Variants in RORA observed in about 807,000 individuals in gnomAD.
RORA encodes the protein nuclear receptor ROR-alpha.
Under a neutral mutation model 69.5 loss-of-function variants are expected in RORA, and 7 were observed. The ratio of observed to expected loss-of-function variants is 0.10; its 90% CI spans 0.06 to 0.19. The LOEUF is 0.19. Ranked by LOEUF, RORA falls within the 10% of genes least tolerant of loss-of-function variation. RORA has a pLI of 1.00. For missense variants in RORA, 457 were observed against 663.0 expected, an observed-to-expected ratio of 0.69 and a Z score of 3.41; for synonymous variants, 261 against 240.8, an observed-to-expected ratio of 1.08 and a Z score of -0.78.
intron 1 of RORA, among the ~76,000 whole-genome samples, chr15:60,919,400 G>A (rs1409394975): frequency 3.9e-5 from 6 of 152,214 alleles, no homozygotes; most frequent in Admixed American, 3.3e-4. Flanking sequence ...AGCCAGGCCT[G>A]GAGCCCACAC....
At chr15:60,894,602 C>T (rs1442403673) in intron 1 of RORA, among the ~76,000 whole-genome samples, 1 of 152,182 alleles carries the variant, frequency 6.6e-6, no homozygotes, top group Non-Finnish European at 1.5e-5. Context: ...AACTGCCGCT[C>T]AAACGCTAGT....
rs1234750083 is a variant in RORA, at chr15:60,714,992, C to T, written c.167-36306G>A. On this transcript the variant is annotated intron_variant, in intron 1 of 10. Transcript: ENST00000335670. ...TGGGGCTGGAATTCAAGTCTTTTGG[C>T]TTCCCATCAAATGAATTTTTCATCT... is the stretch of plus-strand genomic sequence containing the variant. Among the ~76,000 whole-genome samples, 3 of 152,170 alleles carry T rather than the reference C, an allele frequency of 2.0e-5. No homozygotes were observed. In the South Asian group the frequency reaches 6.2e-4, roughly 32 times the overall value.
chr15:61,101,246 G>T (rs929577590), intron 1 of RORA, among the ~76,000 whole-genome samples: 1 of 152,144 alleles, frequency 6.6e-6, no homozygotes, highest in Non-Finnish European at 1.5e-5. Flanking sequence ...GGTAGGGACG[G>T]TTAATAGAGA....
At chr15:60,558,062 C>T (rs980215445) in intron 2 of RORA, 14 of 435,476 alleles carry the variant, frequency 3.2e-5, no homozygotes, top group East Asian at 6.9e-5. Flanking sequence ...GTGCCAATGA[C>T]GAAAGAGAGA....
chr15:60,795,034 C>A (rs545307752), intron 1 of RORA, among the ~76,000 whole-genome samples: 2 of 152,256 alleles, frequency 1.3e-5, no homozygotes, highest in East Asian at 3.9e-4. Context: ...ACATAAAAAC[C>A]TCAAGAAACC....
chr15:60,540,220 C>T (rs551399893), intron 2 of RORA, among the ~76,000 whole-genome samples: 8 of 152,190 alleles, frequency 5.3e-5, no homozygotes, highest in Non-Finnish European at 1.2e-4. Flanking sequence ...TTAACAGGAA[C>T]AATTACGCTA....
intron 1 of RORA, among the ~76,000 whole-genome samples, chr15:61,076,878 GA>G (rs1270752296): frequency 6.6e-6 from 1 of 151,410 alleles, no homozygotes; most frequent in Non-Finnish European, 1.5e-5. Context: ...CTAAGCAGAG[GA>G]ATCATCAGAA....
rs867005399 is a variant in RORA, at chr15:60,570,694, A to G, written c.197-38843T>C. 2.0e-5 allele frequency among the ~76,000 whole-genome samples: 3 copies of G among 152,106 alleles called. No individual in the cohort carries two copies. In the South Asian group the frequency reaches 6.2e-4, roughly 32 times the overall value. On this transcript the variant is annotated intron_variant, in intron 2 of 10. Transcript: ENST00000335670. ...GATTTTAAAACAGCTATTCATTTGGATAAATTTCCATGAGCCTCATCTTGT... is the reference window on the plus strand; with the variant it reads ...GATTTTAAAACAGCTATTCATTTGGGTAAATTTCCATGAGCCTCATCTTGT...
In RORA at chr15:60,800,465, A is replaced by G. The variant is rs2072563766; in HGVS notation, c.167-121779T>C. 2.0e-5 allele frequency among the ~76,000 whole-genome samples: 3 copies of G among 152,226 alleles called. No homozygotes were observed. The South Asian group carries it at 6.2e-4, about 31-fold the overall frequency. On this transcript the variant is annotated intron_variant, in intron 1 of 10. Coordinates refer to ENST00000335670, the MANE Select transcript of RORA (RefSeq NM_134261.3). The stretch of plus-strand genomic sequence containing the variant: ...CTCTGACTCAGCTCTGGTGGAAAGT[A>G]TCAACCTTATAAACCCACAAGGAAG...
chr15:60,556,942 C>T, intron 2 of RORA: 1 of 1,602,420 alleles, frequency 6.2e-7, no homozygotes, highest in South Asian at 1.1e-5. Context: ...GTTTGTCCAC[C>T]CCAATCCAAT....
At chr15:60,740,094 A>C (rs974007176) in intron 1 of RORA, among the ~76,000 whole-genome samples, 6 of 152,118 alleles carry the variant, frequency 3.9e-5, no homozygotes, top group African/African-American at 1.4e-4. Flanking sequence ...TGGAAAGGGG[A>C]CTTGAGATTA....
At chr15:60,759,427 G>T (rs934889929) in intron 1 of RORA, among the ~76,000 whole-genome samples, 1 of 152,114 alleles carries the variant, frequency 6.6e-6, no homozygotes, top group Non-Finnish European at 1.5e-5. Flanking sequence ...GGGACATGGG[G>T]GCCAACTCTA....
intron 1 of RORA, among the ~76,000 whole-genome samples, chr15:60,925,674 A>G (rs945757237): frequency 6.6e-6 from 1 of 152,192 alleles, no homozygotes; most frequent in African/African-American, 2.4e-5. Flanking sequence ...TTGGCGGCTG[A>G]GCACTTTGCC....
intron 1 of RORA, among the ~76,000 whole-genome samples, chr15:61,167,655 C>T (rs534772753): frequency 1.3e-5 from 2 of 152,168 alleles, no homozygotes; most frequent in Non-Finnish European, 1.5e-5. Context: ...GCTTTCCCCA[C>T]ACTTATGTTG....
intron 1 of RORA, among the ~76,000 whole-genome samples, chr15:60,898,418 T>G (rs1434060357): frequency 2.0e-5 from 3 of 151,888 alleles, no homozygotes; most frequent in South Asian, 4.2e-4. Context: ...GGCTCACAAA[T>G]GCAATCCCAG....
intron 1 of RORA, among the ~76,000 whole-genome samples, chr15:61,172,854 G>A (rs1280491502): frequency 6.6e-6 from 1 of 152,140 alleles, no homozygotes; most frequent in East Asian, 1.9e-4. Context: ...TAAAAAAAAG[G>A]CATGTCTTTG....
intron 1 of RORA, among the ~76,000 whole-genome samples, chr15:61,198,738 T>C (rs955215044): frequency 2.0e-5 from 3 of 151,432 alleles, no homozygotes; most frequent in Non-Finnish European, 2.9e-5. Context: ...GGAAGTGTAG[T>C]TCAGCTGATG....
At chr15:60,536,236 G>A (rs565619464) in intron 2 of RORA, among the ~76,000 whole-genome samples, 12 of 152,272 alleles carry the variant, frequency 7.9e-5, no homozygotes, top group African/African-American at 2.4e-4. Context: ...TATGATATCT[G>A]TATGAGCATT....
chr15:60,985,582 CTTTTTT>C (rs11451387), intron 1 of RORA, among the ~76,000 whole-genome samples: 6 of 100,848 alleles, frequency 5.9e-5, no homozygotes, highest in African/African-American at 2.1e-4. Flanking sequence ...AACTCATCCT[CTTTTTT>C]TTTTTTTTTT....
Sources: gnomAD v4.1 joint callset for allele counts (sites outside exome capture counted in the v4.1 genomes callset) on GRCh38, gnomAD v4.1.1 for gene constraint, MANE v1.5 for transcripts, NCBI Gene and HGNC (gene_info 2026-07-23, HGNC 2026-07-21) for gene names.